Variants in BMPR1B observed in about 807,000 individuals in gnomAD.
The protein encoded by BMPR1B is bone morphogenetic protein receptor type-1B.
A neutral mutation model predicts 59.1 loss-of-function variants in BMPR1B; 12 were observed. That is an observed-to-expected ratio of 0.20 (90% confidence interval 0.13 to 0.33). The LOEUF (loss-of-function observed/expected upper bound fraction) is 0.33, where lower values mean the gene tolerates loss of function less well. BMPR1B is among the 10% of genes least tolerant of loss of function. The probability of loss-of-function intolerance (pLI) is 1.00; values close to 1 mark genes in which losing one functional copy is unlikely to be tolerated. For missense variants in BMPR1B, 550 were observed against 610.9 expected, an observed-to-expected ratio of 0.90 and a Z score of 1.05; for synonymous variants, 237 against 207.3, an observed-to-expected ratio of 1.14 and a Z score of -1.23.
chr4:95,085,286 A>G (rs1361874568), intron 3 of BMPR1B, among the ~76,000 whole-genome samples: 2 of 152,136 alleles, frequency 1.3e-5, no homozygotes, highest in Non-Finnish European at 2.9e-5. Flanking sequence ...GACCAATGGC[A>G]GGTCGCTCCC....
intron 6 of BMPR1B, among the ~76,000 whole-genome samples, chr4:95,121,321 A>T (rs1732511518): frequency 6.6e-6 from 1 of 152,204 alleles, no homozygotes; most frequent in African/African-American, 2.4e-5. Flanking sequence ...GGATTGGAAG[A>T]TTTATGTTCA....
intron 2 of BMPR1B, among the ~76,000 whole-genome samples, chr4:94,906,895 A>T (rs753266469): frequency 1.3e-5 from 2 of 152,152 alleles, no homozygotes; most frequent in South Asian, 2.1e-4. Context: ...CACAAACAAG[A>T]TCATTTATAT....
rs141915847 is a variant in BMPR1B at position 94,822,386 on chromosome 4, A to G, written c.-182-53445A>G. Reference sequence around the variant, plus strand: ...GCCCCTAGAAGGCAGAGACCACTTGAATGTTTACAGTCCAGAGCTTCTCAA... The same window carrying G: ...GCCCCTAGAAGGCAGAGACCACTTGGATGTTTACAGTCCAGAGCTTCTCAA... On this transcript the variant is annotated intron_variant, in intron 1 of 12. Coordinates refer to ENST00000515059, the MANE Select transcript of BMPR1B (RefSeq NM_001203.3). 4.2e-3 allele frequency among the ~76,000 whole-genome samples: 641 copies of G among 152,300 alleles called. 6 individuals are homozygous for G. Among genetic ancestry groups the G allele is most frequent in the African/African-American group, 0.015 (612 of 41,566 alleles).
intron 3 of BMPR1B, among the ~76,000 whole-genome samples, chr4:95,046,798 CA>C: frequency 6.6e-6 from 1 of 152,262 alleles, no homozygotes; most frequent in East Asian, 1.9e-4. Flanking sequence ...AATTAACTTG[CA>C]AAATTAAGTT....
intron 3 of BMPR1B, among the ~76,000 whole-genome samples, chr4:95,103,855 T>C (rs1730994147): frequency 1.3e-5 from 2 of 152,124 alleles, no homozygotes; most frequent in African/African-American, 4.8e-5. Context: ...TTTGTCTTCT[T>C]ACCCAATTTT....
chr4:95,034,586 A>C (rs1725096153), intron 3 of BMPR1B, among the ~76,000 whole-genome samples: 1 of 152,046 alleles, frequency 6.6e-6, no homozygotes, highest in Admixed American at 6.6e-5. Flanking sequence ...AGCTCCATCC[A>C]GATTACTGTG....
chr4:94,762,586 G>A (rs1721819999), intron 1 of BMPR1B, among the ~76,000 whole-genome samples: 3 of 152,206 alleles, frequency 2.0e-5, no homozygotes, highest in Admixed American at 2.0e-4. Context: ...GGTCAGAGAG[G>A]TGGCGAGGTT....
intron 4 of BMPR1B, among the ~76,000 whole-genome samples, chr4:95,111,324 C>T (rs1731619638): frequency 6.6e-6 from 1 of 152,032 alleles, no homozygotes; most frequent in Non-Finnish European, 1.5e-5. Context: ...CTCTTCTCAA[C>T]TGTGGTGGCT....
chr4:95,118,392 T>G (rs944737551), intron 6 of BMPR1B, among the ~76,000 whole-genome samples: 1 of 152,120 alleles, frequency 6.6e-6, no homozygotes, highest in Non-Finnish European at 1.5e-5. Context: ...ACTTTCTAGC[T>G]ATATGATTTT....
chr4:94,758,872 C>G (rs898374360), intron 1 of BMPR1B, among the ~76,000 whole-genome samples: 2 of 152,016 alleles, frequency 1.3e-5, no homozygotes, highest in Non-Finnish European at 2.9e-5. Flanking sequence ...CCAGTGTGTC[C>G]CTCCTCTGTC....
At chr4:94,873,615 G>A (rs143147109) in intron 1 of BMPR1B, among the ~76,000 whole-genome samples, 7 of 152,074 alleles carry the variant, frequency 4.6e-5, no homozygotes, top group South Asian at 2.1e-4. Flanking sequence ...TCACCATGTT[G>A]GCCAAGATGG....
At chr4:94,952,497 C>G (rs972397994) in intron 2 of BMPR1B, among the ~76,000 whole-genome samples, 1 of 152,160 alleles carries the variant, frequency 6.6e-6, no homozygotes, top group Non-Finnish European at 1.5e-5. Context: ...TTATTTATTT[C>G]TGCCTTAATT....
At chr4:94,851,197 T>TA (rs1264479833) in intron 1 of BMPR1B, among the ~76,000 whole-genome samples, 1 of 152,182 alleles carries the variant, frequency 6.6e-6, no homozygotes, top group Admixed American at 6.5e-5. Context: ...CCAAGATAGT[T>TA]ACCGTCCTCG....
chr4:94,775,336 T>A (rs897688389), intron 1 of BMPR1B, among the ~76,000 whole-genome samples: 3 of 152,230 alleles, frequency 2.0e-5, no homozygotes, highest in Non-Finnish European at 4.4e-5. Flanking sequence ...TACAGTTAAT[T>A]GATCAATTTT....
At chr4:95,041,679 A>G (rs1457853599) in intron 3 of BMPR1B, among the ~76,000 whole-genome samples, 3 of 150,952 alleles carry the variant, frequency 2.0e-5, no homozygotes, top group Admixed American at 6.6e-5. Flanking sequence ...CTAGTGAAGT[A>G]TTGGTGTCTG....
rs1361266161 is a variant in BMPR1B, at chr4:94,815,053, G to A, written c.-183+56985G>A. Among the ~76,000 whole-genome samples the A allele has an allele frequency of 2.0e-5, 3 of 152,158 alleles. No individual in the cohort carries two copies. In the East Asian group the frequency reaches 5.8e-4, roughly 29 times the overall value. ...TGAGTAGCTGGGATTACAGGCACCTGCCACCACGCCCGGCTAATTTTTTGT... is the reference window on the plus strand; with the variant it reads ...TGAGTAGCTGGGATTACAGGCACCTACCACCACGCCCGGCTAATTTTTTGT... On this transcript the variant is annotated intron_variant, in intron 1 of 12. Transcript: ENST00000515059.
chr4:94,911,919 C>A (rs1354400647), intron 2 of BMPR1B, among the ~76,000 whole-genome samples: 1 of 151,964 alleles, frequency 6.6e-6, no homozygotes, highest in African/African-American at 2.4e-5. Flanking sequence ...CTGTATTAGC[C>A]CTTTTTCATG....
At chr4:94,948,922 T>G (rs1729823576) in intron 2 of BMPR1B, among the ~76,000 whole-genome samples, 1 of 152,186 alleles carries the variant, frequency 6.6e-6, no homozygotes, top group African/African-American at 2.4e-5. Flanking sequence ...AGGCAGTGAA[T>G]GTTTTAAGCA....
At chr4:94,924,820 G>A (rs1273884192) in intron 2 of BMPR1B, among the ~76,000 whole-genome samples, 1 of 152,000 alleles carries the variant, frequency 6.6e-6, no homozygotes, top group Non-Finnish European at 1.5e-5. Flanking sequence ...ACTGAATCAG[G>A]CCTTACCTGA....
Sources: gnomAD v4.1 joint callset for allele counts (sites outside exome capture counted in the v4.1 genomes callset) on GRCh38, gnomAD v4.1.1 for gene constraint, MANE v1.5 for transcripts, NCBI Gene and HGNC (gene_info 2026-07-23, HGNC 2026-07-21) for gene names.